Variants in WWOX observed in about 807,000 individuals in gnomAD.
WWOX encodes the protein WW domain-containing oxidoreductase.
A neutral mutation model predicts 46.2 loss-of-function variants in WWOX; 69 were observed. That is an observed-to-expected ratio of 1.49 (90% CI 1.23 to 1.82). The LOEUF is 1.82. Among genes scored for constraint, WWOX ranks in the 40% most tolerant of loss-of-function variants. WWOX has a pLI of 0.00. For synonymous variants in WWOX, 359 were observed against 202.6 expected (o/e 1.77, Z -6.56); for missense variants, 919 against 542.6 (o/e 1.69, Z -6.89).
At chr16:78,399,479 A>C (rs59651367) in intron 6 of WWOX, among the ~76,000 whole-genome samples, 1 of 152,152 alleles carries the variant, frequency 6.6e-6, no homozygotes, top group Non-Finnish European at 1.5e-5. Flanking sequence ...TGGAGTGGAC[A>C]TGGATCATGG....
intron 4 of WWOX, among the ~76,000 whole-genome samples, chr16:78,144,429 C>CTATATATATATATACACGTATA (rs2034094474): frequency 6.5e-5 from 1 of 15,400 alleles, no homozygotes; most frequent in African/African-American, 2.7e-4. Flanking sequence ...TTTGCCATTA[C>CTATATATATATATACACGTATA]TATATATATA....
chr16:78,912,432 C>T (rs889635766), intron 8 of WWOX, among the ~76,000 whole-genome samples: 3 of 151,864 alleles, frequency 2.0e-5, no homozygotes, highest in South Asian at 2.1e-4. Context: ...TAGTAGATGG[C>T]AGCTCAAGGG....
At chr16:78,226,700 C>T (rs1401241714) in intron 5 of WWOX, among the ~76,000 whole-genome samples, 2 of 152,186 alleles carry the variant, frequency 1.3e-5, no homozygotes, top group East Asian at 3.9e-4. Flanking sequence ...CATTTATTGT[C>T]ACACTGGATA....
chr16:79,191,775 G>GA (rs1301699184), intron 8 of WWOX, among the ~76,000 whole-genome samples: 1 of 152,162 alleles, frequency 6.6e-6, no homozygotes, highest in Non-Finnish European at 1.5e-5. Context: ...GATGTGACTG[G>GA]AAAATCCACT....
At chr16:78,830,752 G>C (rs371717404) in intron 8 of WWOX, among the ~76,000 whole-genome samples, 1 of 151,716 alleles carries the variant, frequency 6.6e-6, no homozygotes, top group African/African-American at 2.4e-5. Context: ...GCTTGTATTG[G>C]AGGGAACATC....
intron 8 of WWOX, among the ~76,000 whole-genome samples, chr16:78,910,968 G>C (rs764819239): frequency 2.0e-5 from 3 of 151,970 alleles, no homozygotes; most frequent in Non-Finnish European, 4.4e-5. Flanking sequence ...TCAAAATAAT[G>C]TGTTGTGCAC....
At chr16:78,584,591 C>CATGCT (rs1464001627) in intron 8 of WWOX, among the ~76,000 whole-genome samples, 4 of 152,264 alleles carry the variant, frequency 2.6e-5, no homozygotes, top group African/African-American at 9.6e-5. Flanking sequence ...GAGTGTTAGG[C>CATGCT]ATGCTGTTGA....
At chr16:79,075,238 A>G (rs2048632844) in intron 8 of WWOX, among the ~76,000 whole-genome samples, 1 of 152,228 alleles carries the variant, frequency 6.6e-6, no homozygotes, top group Non-Finnish European at 1.5e-5. Context: ...TTTGAAAACT[A>G]CTGGCAGAAT....
At chr16:78,596,457 C>T (rs1054989239) in intron 8 of WWOX, among the ~76,000 whole-genome samples, 1 of 152,014 alleles carries the variant, frequency 6.6e-6, no homozygotes, top group African/African-American at 2.4e-5. Context: ...GCAGGAATAG[C>T]CAGTCCTGCC....
chr16:78,727,389 C>T lies in WWOX; in HGVS notation c.1056+294637C>T, dbSNP rs191168257. On this transcript the variant is annotated intron_variant, in intron 8 of 8. Transcript: ENST00000566780. ...GACAGAGCAAGACTCCATCTCAAAG[C>T]GAAACAAAACAAATGAGGGTCCTCA... Among the ~76,000 whole-genome samples the T allele has an allele frequency of 4.6e-5, 7 of 152,218 alleles. No individual in the cohort carries two copies. In the East Asian group the frequency reaches 1.2e-3, roughly 25 times the overall value.
intron 8 of WWOX, chr16:78,551,270 C>G (rs1007431892): frequency 1.3e-5 from 2 of 152,102 alleles, no homozygotes; most frequent in African/African-American, 4.8e-5. Flanking sequence ...GCTCCTATAT[C>G]TTTTTTCTGG....
At chr16:79,187,893 C>T (rs1013426138) in intron 8 of WWOX, among the ~76,000 whole-genome samples, 1 of 152,194 alleles carries the variant, frequency 6.6e-6, no homozygotes, top group African/African-American at 2.4e-5. Context: ...TGAATGAATT[C>T]TTCTGAGCTG....
intron 8 of WWOX, among the ~76,000 whole-genome samples, chr16:78,680,017 GTTCT>G (rs1196050601): frequency 6.6e-6 from 1 of 152,188 alleles, no homozygotes; most frequent in African/African-American, 2.4e-5. Context: ...GCTCCTATCG[GTTCT>G]TTATTTTACC....
At chr16:78,482,881 A>G (rs2084530367) in intron 8 of WWOX, among the ~76,000 whole-genome samples, 2 of 152,164 alleles carry the variant, frequency 1.3e-5, no homozygotes, top group African/African-American at 2.4e-5. Context: ...TAAAATACAC[A>G]TGGTACAATC....
chr16:78,811,868 G>A (rs1327635328), intron 8 of WWOX, among the ~76,000 whole-genome samples: 1 of 152,112 alleles, frequency 6.6e-6, no homozygotes, highest in African/African-American at 2.4e-5. Context: ...ACTTAAGCTT[G>A]GTAAGCCTCT....
At chr16:78,991,298 T>G (rs2046881615) in intron 8 of WWOX, among the ~76,000 whole-genome samples, 1 of 152,100 alleles carries the variant, frequency 6.6e-6, no homozygotes, top group South Asian at 2.1e-4. Flanking sequence ...GAGTCCATGT[T>G]AAATCCAGGT....
chr16:78,481,100 A>G (rs1234501721), intron 8 of WWOX, among the ~76,000 whole-genome samples: 1 of 152,248 alleles, frequency 6.6e-6, no homozygotes, highest in Admixed American at 6.5e-5. Flanking sequence ...TTGAAATTGC[A>G]TGCATTATTT....
intron 8 of WWOX, among the ~76,000 whole-genome samples, chr16:78,976,529 G>A (rs1009085847): frequency 1.8e-4 from 28 of 152,202 alleles, no homozygotes; most frequent in African/African-American, 6.8e-4. Flanking sequence ...TGATGTAGTT[G>A]CATGCACTTT....
At chr16:78,500,845 G>C (rs910932976) in intron 8 of WWOX, among the ~76,000 whole-genome samples, 3 of 152,178 alleles carry the variant, frequency 2.0e-5, no homozygotes, top group Non-Finnish European at 4.4e-5. Context: ...CAGCGCCTGT[G>C]CTGGGCCTGC....
Sources: gnomAD v4.1 joint callset for allele counts (sites outside exome capture counted in the v4.1 genomes callset) on GRCh38, gnomAD v4.1.1 for gene constraint, MANE v1.5 for transcripts, NCBI Gene and HGNC (gene_info 2026-07-23, HGNC 2026-07-21) for gene names.